Variants in RSPH1 observed in about 807,000 individuals in gnomAD.
RSPH1 encodes the protein radial spoke head 1 homolog.
A neutral mutation model predicts 44.2 loss-of-function variants in RSPH1; 32 were observed. The observed-to-expected ratio is 0.72, with a 90% CI of 0.55 to 0.97. The LOEUF (loss-of-function observed/expected upper bound fraction) is 0.97, where lower values mean the gene tolerates loss of function less well. RSPH1 is among the 50% of genes least tolerant of loss of function. The pLI, the probability that RSPH1 is intolerant of heterozygous loss-of-function variation, is 0.00. For missense variants in RSPH1, 391 were observed against 398.7 expected (o/e 0.98, Z 0.16); for synonymous variants, 134 against 147.3 (o/e 0.91, Z 0.65).
intron 4 of RSPH1, 52 bp downstream of exon 4, chr21:42,486,319 A>G: frequency 3.2e-6 from 4 of 1,262,414 alleles, no homozygotes; most frequent in Non-Finnish European, 3.5e-6. Flanking sequence ...TGCAGACATC[A>G]TGTTCTCATT....
intron 7 of RSPH1, among the ~76,000 whole-genome samples, chr21:42,476,499 C>T (rs2054052740): frequency 6.6e-6 from 1 of 152,194 alleles, no homozygotes; most frequent in Non-Finnish European, 1.5e-5. Context: ...AGTTGGCTTT[C>T]CTCCGCTTGC....
At chr21:42,473,634 G>A (rs1194769434) in intron 8 of RSPH1, among the ~76,000 whole-genome samples, 1 of 152,150 alleles carries the variant, frequency 6.6e-6, no homozygotes, top group African/African-American at 2.4e-5. Context: ...GAAATTAGCA[G>A]GGTAAATCTC....
intron 6 of RSPH1, among the ~76,000 whole-genome samples, chr21:42,478,086 CTT>C (rs2146645655): frequency 6.6e-6 from 1 of 152,308 alleles, no homozygotes; most frequent in Admixed American, 6.5e-5. Context: ...ACATGGAACA[CTT>C]TGTAATAAAA....
At chr21:42,478,085 A>G (rs41488949) in intron 6 of RSPH1, among the ~76,000 whole-genome samples, 7,700 of 152,350 alleles carry the variant, frequency 0.051, 277 homozygotes, top group Middle Eastern at 0.14. Context: ...AACATGGAAC[A>G]CTTTGTAATA....
chr21:42,491,802 A>C (rs1286886697), intron 3 of RSPH1, among the ~76,000 whole-genome samples: 1 of 152,192 alleles, frequency 6.6e-6, no homozygotes, highest in African/African-American at 2.4e-5. Flanking sequence ...TTGTAAGAAT[A>C]TGTCCTCCTC....
chr21:42,489,667 G>A (rs1302807335), intron 3 of RSPH1, among the ~76,000 whole-genome samples: 3 of 152,208 alleles, frequency 2.0e-5, no homozygotes, highest in Non-Finnish European at 4.4e-5. Flanking sequence ...CCCTGGGCAG[G>A]GTTCCGTGCA....
At chr21:42,477,540 G>A (rs2054081152) in intron 6 of RSPH1, 96 bp from the exon 7 acceptor site, 2 of 1,350,852 alleles carry the variant, frequency 1.5e-6, no homozygotes, top group South Asian at 2.5e-5. Context: ...TTGAAAGACA[G>A]GTTTTGGCTT....
At chr21:42,489,525 C>T (rs113268211) in intron 3 of RSPH1, among the ~76,000 whole-genome samples, 1 of 152,130 alleles carries the variant, frequency 6.6e-6, no homozygotes, top group African/African-American at 2.4e-5. Flanking sequence ...GCTCCTCCCC[C>T]CTCAAATGCT....
At chr21:42,473,405 C>A (rs111481478) in intron 8 of RSPH1, among the ~76,000 whole-genome samples, 1 of 151,150 alleles carries the variant, frequency 6.6e-6, no homozygotes, top group Admixed American at 6.6e-5. Flanking sequence ...GCAAGAGAAT[C>A]GCTTGAACCC....
intron 7 of RSPH1, 150 bp from the exon 8 acceptor site, chr21:42,476,197 GC>G: frequency 1.3e-6 from 1 of 753,040 alleles, no homozygotes; most frequent in Non-Finnish European, 2.1e-6. Context: ...CATCCACCCA[GC>G]CCAGCCTAGG....
At chr21:42,490,098 C>T (rs1019330339) in intron 3 of RSPH1, among the ~76,000 whole-genome samples, 1 of 152,008 alleles carries the variant, frequency 6.6e-6, no homozygotes, top group Non-Finnish European at 1.5e-5. Context: ...TCTAGGCCTC[C>T]CCCACATCTG....
intron 8 of RSPH1, among the ~76,000 whole-genome samples, chr21:42,473,826 G>A (rs1369582936): frequency 1.3e-5 from 2 of 152,028 alleles, no homozygotes; most frequent in East Asian, 1.9e-4. Flanking sequence ...CACCGTCCCC[G>A]GCCTCCACCC....
intron 3 of RSPH1, among the ~76,000 whole-genome samples, chr21:42,487,607 A>C (rs2054192937): frequency 6.6e-6 from 1 of 152,180 alleles, no homozygotes; most frequent in African/African-American, 2.4e-5. Flanking sequence ...GTATTTTTAA[A>C]TTTTTAACTT....
chr21:42,493,469 C>T (rs969588385), intron 1 of RSPH1, among the ~76,000 whole-genome samples: 1 of 152,226 alleles, frequency 6.6e-6, no homozygotes, highest in African/African-American at 2.4e-5. Context: ...TTCAAGTCCA[C>T]ACAAATACCT....
At chr21:42,479,851 C>T (rs975460788) in intron 6 of RSPH1, among the ~76,000 whole-genome samples, 7 of 152,188 alleles carry the variant, frequency 4.6e-5, no homozygotes, top group African/African-American at 1.7e-4. Context: ...CTGCCTTCCA[C>T]CCAGACTAGA....
chr21:42,487,668 T>C (rs980637349), intron 3 of RSPH1, among the ~76,000 whole-genome samples: 1 of 152,228 alleles, frequency 6.6e-6, no homozygotes, highest in Non-Finnish European at 1.5e-5. Context: ...CAACTTTATA[T>C]TTTCTTTTTT....
Position 42,477,290 on chromosome 21 carries a change from C to G in RSPH1, c.727+1G>C. The G allele has an allele frequency of 1.2e-6, 2 of 1,613,396 alleles. No individual in the cohort carries two copies. The highest frequency in any genetic ancestry group is 1.7e-6 in the Non-Finnish European group (2 of 1,179,632). ...CCCCACAGCCCGGGGGTGCCCCACA[C>G]TCTCAGCTCCTGGAGCGTCTTGGCC... On this transcript the variant is annotated splice_donor_variant, in intron 7 of 8. Transcript: ENST00000291536. LOFTEE classifies it high-confidence loss of function.
intron 6 of RSPH1, among the ~76,000 whole-genome samples, chr21:42,479,169 G>A (rs1055015349): frequency 2.6e-5 from 4 of 152,196 alleles, no homozygotes; most frequent in African/African-American, 4.8e-5. Flanking sequence ...GGAGTGAGCC[G>A]TGGGCTGCAG....
Position 42,485,663 on chromosome 21 carries a change from A to T in RSPH1, c.501+6T>A. The T allele has an allele frequency of 1.2e-6, 2 of 1,614,106 alleles. No individual in the cohort carries two copies. The highest frequency in any genetic ancestry group is 1.7e-6 in the Non-Finnish European group (2 of 1,180,014). ...CATTGGCAAATGTCACTTCCCATGG[A>T]CTTACATTTTTGTTCAAGAACTTGC... On this transcript the variant is annotated splice_donor_region_variant and intron_variant, in intron 5 of 8. Coordinates refer to ENST00000291536, the MANE Select transcript of RSPH1 (RefSeq NM_080860.4).
Sources: allele counts gnomAD v4.1 joint callset (sites outside exome capture counted in the v4.1 genomes callset), GRCh38; gene constraint gnomAD v4.1.1; transcripts MANE v1.5; gene names NCBI Gene and HGNC (gene_info 2026-07-23, HGNC 2026-07-21).